CHD1: variants seen among roughly 807,000 people sequenced by gnomAD.
CHD1 encodes the protein ATP-dependent chromatin remodeler CHD1.
Under a neutral mutation model 224.2 loss-of-function variants are expected in CHD1, and 36 were observed. The observed-to-expected ratio is 0.16, with a 90% CI of 0.12 to 0.21. The LOEUF is 0.21. Ranked by LOEUF, CHD1 falls within the 10% of genes least tolerant of loss-of-function variation. CHD1 has a pLI of 1.00. For missense variants in CHD1, 1,378 were observed against 1,994.8 expected (o/e 0.69, Z 5.89); for synonymous variants, 668 against 658.3 (o/e 1.01, Z -0.23).
At chr5:98,879,158 C>T (rs957829222) in intron 23 of CHD1, among the ~76,000 whole-genome samples, 4 of 152,016 alleles carry the variant, frequency 2.6e-5, no homozygotes, top group East Asian at 1.9e-4. Flanking sequence ...CATCTGAGGC[C>T]GGGAGGTTAA....
intron 19 of CHD1, 90 bp downstream of exon 19, chr5:98,882,998 T>A (rs970107407): frequency 1.1e-6 from 1 of 879,312 alleles, no homozygotes; most frequent in African/African-American, 1.7e-5. Context: ...TACAGTGATC[T>A]TATCCTCTAG....
chr5:98,864,309 C>CA (rs1748692093), intron 31 of CHD1, among the ~76,000 whole-genome samples: 1 of 151,856 alleles, frequency 6.6e-6, no homozygotes, highest in Non-Finnish European at 1.5e-5. Flanking sequence ...TCACAGAAAG[C>CA]AAGCTGGTTT....
At chr5:98,865,402 T>TC (rs1298478428) in intron 31 of CHD1, among the ~76,000 whole-genome samples, 1 of 152,202 alleles carries the variant, frequency 6.6e-6, no homozygotes, top group Non-Finnish European at 1.5e-5. Context: ...GACTTTATTC[T>TC]CCCTCTAAGT....
At chr5:98,918,867 T>C (rs1254504415) in intron 2 of CHD1, among the ~76,000 whole-genome samples, 2 of 152,150 alleles carry the variant, frequency 1.3e-5, no homozygotes, top group Non-Finnish European at 2.9e-5. Flanking sequence ...TTACAAAAGT[T>C]AAAGCATGCT....
intron 18 of CHD1, 39 bp from the exon 19 acceptor site, chr5:98,883,276 A>G (rs1465344031): frequency 1.4e-5 from 20 of 1,459,806 alleles, no homozygotes; most frequent in Admixed American, 6.6e-5. Flanking sequence ...AAATTTTTCA[A>G]TTGATTTTCT....
At chr5:98,911,668 T>C (rs1409918219) in intron 2 of CHD1, among the ~76,000 whole-genome samples, 3 of 152,178 alleles carry the variant, frequency 2.0e-5, no homozygotes, top group Non-Finnish European at 2.9e-5. Context: ...TTAGAAGATA[T>C]ATCATTACCA....
At chr5:98,868,988 T>C (rs915529528) in intron 30 of CHD1, 1 of 814,168 alleles carries the variant, frequency 1.2e-6, no homozygotes, top group South Asian at 5.7e-5. Context: ...TTTTACTTTC[T>C]ACATTTTTTA....
intron 31 of CHD1, among the ~76,000 whole-genome samples, chr5:98,864,988 C>T (rs1361684605): frequency 6.6e-6 from 1 of 152,042 alleles, no homozygotes; most frequent in Non-Finnish European, 1.5e-5. Flanking sequence ...TTTATGGAAC[C>T]TGGACTCTAG....
chr5:98,875,236 A>G (rs1360253540), intron 24 of CHD1, 123 bp from the exon 25 acceptor site: 1 of 563,954 alleles, frequency 1.8e-6, no homozygotes, highest in East Asian at 3.2e-5. Flanking sequence ...ACTGTTATCT[A>G]AGAAGAATGA....
intron 31 of CHD1, among the ~76,000 whole-genome samples, chr5:98,867,975 G>GT (rs370858234): frequency 3.3e-5 from 5 of 150,912 alleles, no homozygotes; most frequent in Non-Finnish European, 5.9e-5. Flanking sequence ...GTTAATTTTT[G>GT]TTTTTTTTCT....
intron 2 of CHD1, among the ~76,000 whole-genome samples, chr5:98,916,021 C>T (rs1752705861): frequency 6.6e-6 from 1 of 151,754 alleles, no homozygotes; most frequent in Non-Finnish European, 1.5e-5. Context: ...GGTGAAACCC[C>T]GTCCTAACTA....
At position 98,904,966 on chromosome 5, in the gene CHD1, T is replaced by C. The variant is rs761183294; in HGVS notation, c.186A>G (p.Ser62=). ...SDSGSESGSQ[S]ESESDTSREN... ...CTCGGGAAGTGTCTGACTCAGACTC[T>C]GACTGACTGCCTGATTCAGATCCGG... The change falls in exon 3 of 36, where the codon TCA becomes TCG. Residue 62 remains serine (S), a synonymous_variant. Coordinates refer to ENST00000614616, the MANE Select transcript of CHD1 (RefSeq NM_001270.4). 7 of 1,609,806 alleles carry C rather than the reference T, an allele frequency of 4.3e-6. No homozygotes were observed. In the African/African-American group the frequency reaches 5.3e-5, roughly 12 times the overall value.
Position 98,898,370 on chromosome 5 carries a change from T to C in CHD1, c.1251A>G (p.Pro417=), listed in dbSNP as rs758878009. The change falls in exon 10 of 36, where the codon CCA becomes CCG. Residue 417 remains proline (P), a synonymous_variant. Coordinates refer to ENST00000614616, the MANE Select transcript of CHD1 (RefSeq NM_001270.4). ...PDYYCKWQGL[P]YSECSWEDGA... ...CATCTTCCCAGCTGCACTCTGAGTATGGAAGGCCCTGCCATTTGCAGTAAT... is the reference window on the plus strand; with the variant it reads ...CATCTTCCCAGCTGCACTCTGAGTACGGAAGGCCCTGCCATTTGCAGTAAT... The C allele has an allele frequency of 3.7e-6, 6 of 1,602,124 alleles. No homozygotes were observed. The highest frequency in any genetic ancestry group is 1.7e-6 in the Non-Finnish European group (2 of 1,175,010).
At position 98,896,446 on chromosome 5, in the gene CHD1, C is replaced by T. The variant is rs1267376206; in HGVS notation, c.1494-4G>A. On this transcript the variant is annotated splice_region_variant and splice_polypyrimidine_tract_variant and intron_variant, in intron 11 of 35. Coordinates refer to ENST00000614616, the MANE Select transcript of CHD1 (RefSeq NM_001270.4). Reference sequence around the variant, plus strand: ...AGCGAGTATGCAACTATTTCCTCTACAAAGTTAAAAAAAAATTAGCATGCA... The same window carrying T: ...AGCGAGTATGCAACTATTTCCTCTATAAAGTTAAAAAAAAATTAGCATGCA... 1 of 1,594,144 alleles carries T rather than the reference C, an allele frequency of 6.3e-7. No homozygotes were observed. Among genetic ancestry groups the T allele is most frequent in the African/African-American group, 1.4e-5 (1 of 73,618 alleles).
At chr5:98,923,043 GT>G (rs1012274676) in intron 2 of CHD1, among the ~76,000 whole-genome samples, 5 of 151,792 alleles carry the variant, frequency 3.3e-5, no homozygotes, top group East Asian at 1.9e-4. Flanking sequence ...AGAAACTTTA[GT>G]TTTTTTTGCA....
At chr5:98,911,146 A>AATAT (rs1158932549) in intron 2 of CHD1, among the ~76,000 whole-genome samples, 469 of 39,062 alleles carry the variant, frequency 0.012, 12 homozygotes, top group Non-Finnish European at 0.014. Context: ...AAAAAAAAAA[A>AATAT]ATATATATAT....
chr5:98,924,851 G>A lies in CHD1; in HGVS notation c.53+1483C>T, dbSNP rs148908425. ...AAATTAGCTGGGAGTGGTGGCTAGC[G>A]CCTGTAATCCCAGCTACTCCGGAGG... On this transcript the variant is annotated intron_variant, in intron 2 of 35. Transcript: ENST00000614616. Among the ~76,000 whole-genome samples, 714 of 152,020 alleles carry A rather than the reference G, an allele frequency of 4.7e-3. 8 individuals are homozygous for A. Among genetic ancestry groups the A allele is most frequent in the African/African-American group, 0.016 (655 of 41,452 alleles).
chr5:98,858,146 T>C (rs181472299), intron 35 of CHD1, 34 bp downstream of exon 35: 3 of 1,572,582 alleles, frequency 1.9e-6, no homozygotes, highest in Non-Finnish European at 2.6e-6. Context: ...AAAACATGCA[T>C]AAGCAAAATT....
At chr5:98,906,945 C>G (rs140864231) in intron 2 of CHD1, among the ~76,000 whole-genome samples, 2 of 152,216 alleles carry the variant, frequency 1.3e-5, no homozygotes, top group African/African-American at 4.8e-5. Flanking sequence ...TCCAGAATAC[C>G]TAGCAGAGTG....
Sources: allele counts gnomAD v4.1 joint callset (sites outside exome capture counted in the v4.1 genomes callset), GRCh38; gene constraint gnomAD v4.1.1; transcripts MANE v1.5; gene names NCBI Gene and HGNC (gene_info 2026-07-23, HGNC 2026-07-21).